Variants in R3HCC1L observed in about 807,000 individuals in gnomAD.
R3HCC1L encodes the protein R3H domain and coiled-coil containing 1 like, also known as coiled-coil domain-containing protein R3HCC1L.
In R3HCC1L, 51 loss-of-function variants were observed where a neutral mutation model predicts 59.9. The ratio of observed to expected loss-of-function variants is 0.85; its 90% CI spans 0.68 to 1.07. The LOEUF (loss-of-function observed/expected upper bound fraction) is 1.07, where lower values mean the gene tolerates loss of function less well. Among genes scored for constraint, R3HCC1L ranks in the 50% least tolerant of loss-of-function variants. R3HCC1L has a pLI of 0.00. For synonymous variants in R3HCC1L, 322 were observed against 315.2 expected (o/e 1.02, Z -0.23); for missense variants, 965 against 933.0 (o/e 1.03, Z -0.45).
intron 2 of R3HCC1L, among the ~76,000 whole-genome samples, chr10:98,161,702 G>T (rs1847436545): frequency 6.6e-6 from 1 of 152,058 alleles, no homozygotes; most frequent in African/African-American, 2.4e-5. Context: ...AGTGTTCTTT[G>T]ATATGCTACC....
chr10:98,231,645 A>T lies in R3HCC1L; in HGVS notation c.1919A>T (p.Glu640Val), dbSNP rs1253790364. ...HVIEIYDFPQ[E>V]FHTEDLLRVF... ...ATTGAAATTTATGACTTTCCCCAAG[A>T]ATTTCATACTGAAGACCTTCTACGG... The change falls in exon 6 of 10, where the codon GAA becomes GTA. Residue 640 changes from glutamate (E) to valine (V), a missense_variant. Glu to Val is a moderately radical substitution (Grantham distance 121, BLOSUM62 -2). Transcript: ENST00000298999. 1.2e-6 allele frequency: 2 copies of T among 1,612,654 alleles called. No homozygotes were observed. Among genetic ancestry groups the T allele is most frequent in the Non-Finnish European group, 1.7e-6 (2 of 1,179,130 alleles).
chr10:98,161,659 T>C (rs1847432958), intron 2 of R3HCC1L, among the ~76,000 whole-genome samples: 1 of 152,170 alleles, frequency 6.6e-6, no homozygotes, highest in African/African-American at 2.4e-5. Flanking sequence ...GTACGGTTTC[T>C]TTAAAAATGA....
At chr10:98,192,692 T>TG (rs1276246875) in intron 4 of R3HCC1L, among the ~76,000 whole-genome samples, 6 of 152,142 alleles carry the variant, frequency 3.9e-5, no homozygotes, top group African/African-American at 1.4e-4. Flanking sequence ...ATGGCTTCAT[T>TG]GGGGAATTCT....
intron 4 of R3HCC1L, among the ~76,000 whole-genome samples, chr10:98,199,491 T>G (rs1211085656): frequency 6.6e-6 from 1 of 152,086 alleles, no homozygotes; most frequent in African/African-American, 2.4e-5. Flanking sequence ...TGTAACAAAT[T>G]TAAACAATAC....
At chr10:98,230,888 T>C (rs941649802) in intron 5 of R3HCC1L, 2 of 167,850 alleles carry the variant, frequency 1.2e-5, no homozygotes, top group African/African-American at 2.4e-5. Flanking sequence ...GTTACCTCTT[T>C]TATTAATTCC....
At chr10:98,139,260 A>T (rs1844892313) in intron 1 of R3HCC1L, among the ~76,000 whole-genome samples, 1 of 152,260 alleles carries the variant, frequency 6.6e-6, no homozygotes, top group South Asian at 2.1e-4. Flanking sequence ...TAAATGAACT[A>T]GTGCCAGAAG....
chr10:98,191,982 G>A (rs1227977145), intron 4 of R3HCC1L, among the ~76,000 whole-genome samples: 5 of 151,944 alleles, frequency 3.3e-5, no homozygotes, highest in East Asian at 1.9e-4. Flanking sequence ...CCGCCACCAC[G>A]CCTGGCTAAT....
intron 6 of R3HCC1L, among the ~76,000 whole-genome samples, chr10:98,232,059 G>A (rs1310884103): frequency 1.3e-5 from 2 of 151,998 alleles, no homozygotes; most frequent in African/African-American, 2.4e-5. Context: ...CTTCTTTTGG[G>A]GTCACTGCAG....
intron 4 of R3HCC1L, among the ~76,000 whole-genome samples, chr10:98,188,260 T>C (rs1376925952): frequency 6.6e-6 from 1 of 152,208 alleles, no homozygotes; most frequent in Non-Finnish European, 1.5e-5. Context: ...TTTCTTGCTT[T>C]CAAGGAGTTG....
intron 1 of R3HCC1L, among the ~76,000 whole-genome samples, chr10:98,146,229 CA>C (rs1397985650): frequency 6.6e-6 from 1 of 152,086 alleles, no homozygotes; most frequent in Non-Finnish European, 1.5e-5. Flanking sequence ...ACAATTCACC[CA>C]TTTTTTTGGT....
At chr10:98,237,970 G>C (rs1857140479) in intron 9 of R3HCC1L, among the ~76,000 whole-genome samples, 1 of 152,044 alleles carries the variant, frequency 6.6e-6, no homozygotes, top group African/African-American at 2.4e-5. Flanking sequence ...TGAGAGGGTA[G>C]GTAAGTAACT....
chr10:98,152,365 C>T (rs1018280034), intron 1 of R3HCC1L, among the ~76,000 whole-genome samples: 7 of 151,728 alleles, frequency 4.6e-5, no homozygotes, highest in South Asian at 2.1e-4. Context: ...AGCCTCTGCC[C>T]GGCCGCCACC....
chr10:98,239,012 A>T (rs937574358), intron 9 of R3HCC1L, among the ~76,000 whole-genome samples: 4 of 152,204 alleles, frequency 2.6e-5, no homozygotes, highest in African/African-American at 7.2e-5. Context: ...CTGGGCTCTA[A>T]TAGAGCTTTT....
At chr10:98,224,190 C>T (rs1855398322) in intron 5 of R3HCC1L, among the ~76,000 whole-genome samples, 1 of 152,018 alleles carries the variant, frequency 6.6e-6, no homozygotes, top group Non-Finnish European at 1.5e-5. Flanking sequence ...GTGGGCAGGT[C>T]TGCTTTCAGG....
chr10:98,197,931 G>A lies in R3HCC1L; in HGVS notation c.-14-10170G>A, dbSNP rs545749021. On this transcript the variant is annotated intron_variant, in intron 4 of 9. Transcript: ENST00000298999. The stretch of plus-strand genomic sequence containing the variant: ...AAAGGAAGTTTTGAGGGTGGTAATG[G>A]AGCTAAATTATGTAGGATTGTATTT... Among the ~76,000 whole-genome samples, 3 of 152,198 alleles carry A rather than the reference G, an allele frequency of 2.0e-5. No individual in the cohort carries two copies. In the South Asian group the frequency reaches 6.2e-4, roughly 32 times the overall value.
At chr10:98,210,855 T>C (rs1853484457) in intron 5 of R3HCC1L, among the ~76,000 whole-genome samples, 1 of 152,184 alleles carries the variant, frequency 6.6e-6, no homozygotes, top group African/African-American at 2.4e-5. Flanking sequence ...AAGTGATGAG[T>C]CTTTTGTTCT....
intron 5 of R3HCC1L, among the ~76,000 whole-genome samples, chr10:98,214,331 A>G (rs1853916521): frequency 6.6e-6 from 1 of 152,142 alleles, no homozygotes; most frequent in Non-Finnish European, 1.5e-5. Context: ...TCCATGAGAT[A>G]TGGCATGTGG....
At chr10:98,148,754 ATCTTTTT>A (rs1845890115) in intron 1 of R3HCC1L, among the ~76,000 whole-genome samples, 1 of 152,154 alleles carries the variant, frequency 6.6e-6, no homozygotes, top group Non-Finnish European at 1.5e-5. Context: ...ATGGGGAATT[ATCTTTTT>A]AATGTGTTGT....
At chr10:98,190,670 A>G (rs910232662) in intron 4 of R3HCC1L, among the ~76,000 whole-genome samples, 7 of 152,182 alleles carry the variant, frequency 4.6e-5, no homozygotes, top group Non-Finnish European at 7.3e-5. Context: ...TTTTATTATT[A>G]TACTTTAAGT....
Sources: gnomAD v4.1 joint callset for allele counts (sites outside exome capture counted in the v4.1 genomes callset) on GRCh38, gnomAD v4.1.1 for gene constraint, MANE v1.5 for transcripts, NCBI Gene and HGNC (gene_info 2026-07-23, HGNC 2026-07-21) for gene names.